RLF: variants seen among roughly 807,000 people sequenced by gnomAD.
RLF encodes the protein RLF zinc finger.
A neutral mutation model predicts 162.9 loss-of-function variants in RLF; 7 were observed. The ratio of observed to expected loss-of-function variants is 0.04; its 90% confidence interval spans 0.02 to 0.08. RLF has a LOEUF of 0.08. RLF is among the 10% of genes least tolerant of loss of function. The probability of loss-of-function intolerance (pLI) is 1.00; values close to 1 mark genes in which losing one functional copy is unlikely to be tolerated. For missense variants in RLF, 1,664 were observed against 2,244.7 expected, an observed-to-expected ratio of 0.74 and a Z score of 5.23; for synonymous variants, 782 against 791.5, an observed-to-expected ratio of 0.99 and a Z score of 0.20.
At chr1:40,180,940 CAT>C (rs2124530603) in intron 1 of RLF, among the ~76,000 whole-genome samples, 1 of 152,282 alleles carries the variant, frequency 6.6e-6, no homozygotes, top group Non-Finnish European at 1.5e-5. Context: ...CTTTTGGTAT[CAT>C]AGTCAAAAAA....
chr1:40,212,422 C>G (rs1642875871), intron 5 of RLF, among the ~76,000 whole-genome samples: 1 of 152,166 alleles, frequency 6.6e-6, no homozygotes, highest in Non-Finnish European at 1.5e-5. Flanking sequence ...TTGCTATTAA[C>G]TTTACATATT....
intron 1 of RLF, among the ~76,000 whole-genome samples, chr1:40,168,269 GAC>G (rs1337959349): frequency 6.6e-6 from 1 of 152,120 alleles, no homozygotes; most frequent in Non-Finnish European, 1.5e-5. Flanking sequence ...TTGTTTTTGA[GAC>G]AGAGTCTTTC....
chr1:40,186,974 TACTG>T (rs907052250), intron 1 of RLF, among the ~76,000 whole-genome samples: 2 of 152,132 alleles, frequency 1.3e-5, no homozygotes, highest in East Asian at 1.9e-4. Flanking sequence ...GTAAGTAACT[TACTG>T]ACCTAAACCA....
At chr1:40,169,937 A>T (rs1642219732) in intron 1 of RLF, among the ~76,000 whole-genome samples, 1 of 151,846 alleles carries the variant, frequency 6.6e-6, no homozygotes, top group African/African-American at 2.4e-5. Context: ...TGATCCACCC[A>T]CCTCACCCTC....
At chr1:40,212,274 A>C (rs1642874467) in intron 5 of RLF, among the ~76,000 whole-genome samples, 2 of 152,186 alleles carry the variant, frequency 1.3e-5, no homozygotes, top group Non-Finnish European at 2.9e-5. Context: ...GGTCATCTGA[A>C]AGTCAAAATT....
chr1:40,172,118 G>A (rs1162447377), intron 1 of RLF, among the ~76,000 whole-genome samples: 1 of 152,078 alleles, frequency 6.6e-6, no homozygotes, highest in Non-Finnish European at 1.5e-5. Context: ...AATTCTACAG[G>A]TAGCAACACC....
At position 40,239,223 on chromosome 1, in the gene RLF, C is replaced by G. The variant is rs755675480; in HGVS notation, c.4521C>G (p.Thr1507=). 3.3e-5 allele frequency: 53 copies of G among 1,614,004 alleles called. No individual in the cohort carries two copies. Among genetic ancestry groups the G allele is most frequent in the Non-Finnish European group, 4.2e-5 (50 of 1,180,022 alleles). The part of the protein sequence containing the change: ...ADTQGHEHQT[T]RRSFNAKSKK... ...CTCAGGGGCATGAACATCAGACCACCAGGAGATCATTTAATGCTAAGTCTA... is the reference window on the plus strand; with the variant it reads ...CTCAGGGGCATGAACATCAGACCACGAGGAGATCATTTAATGCTAAGTCTA... Residue 1507 remains threonine, a synonymous_variant, in exon 8 of 8, where the codon ACC becomes ACG. Coordinates refer to ENST00000372771, the MANE Select transcript of RLF (RefSeq NM_012421.4).
At position 40,237,195 on chromosome 1, in the gene RLF, TGGAGACATA is replaced by T. The variant is rs1212520307; in HGVS notation, c.2494_2502del (p.Gly832_Ile834del). ...CAATGCATAATGTTGAAAATTCAAA[TGGAGACATA>T]AAGAAATCAGTGAAACTTGAGGAGT... On this transcript the variant is annotated inframe_deletion, in exon 8 of 8. Transcript: ENST00000372771. The surrounding 1 kb of genome is among the most constrained non-coding windows in gnomAD (Gnocchi z 4.4). 2.5e-6 allele frequency: 4 copies of T among 1,613,834 alleles called. No homozygotes were observed. The highest frequency in any genetic ancestry group is 3.4e-6 in the Non-Finnish European group (4 of 1,179,956).
intron 1 of RLF, among the ~76,000 whole-genome samples, chr1:40,188,618 G>GAA (rs11406786): frequency 1.1e-3 from 155 of 145,824 alleles, no homozygotes; most frequent in South Asian, 2.2e-3. Flanking sequence ...CATGTGTCCA[G>GAA]AAAAAAAAAA....
Position 40,239,782 on chromosome 1 carries a change from CCTT to C in RLF, c.5081_5083del (p.Pro1694_Cys1695delinsArg). 6.2e-7 allele frequency: 1 copy of C among 1,614,184 alleles called. No homozygotes were observed. The highest frequency in any genetic ancestry group is 8.5e-7 in the Non-Finnish European group (1 of 1,180,034). ...GTGTAATATAGTTCAGCCTCCTCCTCCTTGTAAAATAGAAAATTCCATACCTAA... is the reference window on the plus strand; with the variant it reads ...GTGTAATATAGTTCAGCCTCCTCCTCGTAAAATAGAAAATTCCATACCTAA... On this transcript the variant is annotated inframe_deletion, in exon 8 of 8. Coordinates refer to ENST00000372771, the MANE Select transcript of RLF (RefSeq NM_012421.4).
chr1:40,188,302 T>C lies in RLF; in HGVS notation c.238-753T>C, dbSNP rs373326745. 8.5e-5 allele frequency among the ~76,000 whole-genome samples: 13 copies of C among 152,282 alleles called. 1 individual carries two copies. Among genetic ancestry groups the C allele is most frequent in the East Asian group, 3.9e-4 (2 of 5,188 alleles). On this transcript the variant is annotated intron_variant, in intron 1 of 7. Coordinates refer to ENST00000372771, the MANE Select transcript of RLF (RefSeq NM_012421.4). ...GACAAATTTTTAGTGATAGGACACA[T>C]ATAATTTATCAGGCTTTATTGTGGT...
At chr1:40,197,470 G>A (rs1642653249) in intron 4 of RLF, among the ~76,000 whole-genome samples, 1 of 152,174 alleles carries the variant, frequency 6.6e-6, no homozygotes, top group South Asian at 2.1e-4. Flanking sequence ...TTTTGTGCAG[G>A]CAGGCCCAAG....
intron 1 of RLF, among the ~76,000 whole-genome samples, chr1:40,170,248 T>C (rs1642224254): frequency 6.6e-6 from 1 of 152,092 alleles, no homozygotes; most frequent in South Asian, 2.1e-4. Flanking sequence ...TTCTGAGCTT[T>C]TTTTTGTTTT....
chr1:40,223,704 GTGTAC>G (rs941412443), intron 6 of RLF, among the ~76,000 whole-genome samples: 26 of 152,244 alleles, frequency 1.7e-4, no homozygotes, highest in African/African-American at 6.0e-4. Context: ...TAGAAATTTT[GTGTAC>G]TGTAATCTCA....
chr1:40,220,970 T>TAAA (rs750563466), intron 5 of RLF, among the ~76,000 whole-genome samples: 2 of 101,824 alleles, frequency 2.0e-5, no homozygotes, highest in Non-Finnish European at 4.2e-5. Context: ...CTACAAAAAT[T>TAAA]AAAAAAAAAA....
In RLF at chr1:40,214,918, C is replaced by CAAAAAAAAAA. The variant is rs34756935; in HGVS notation, c.811-7638_811-7629dup. Among the ~76,000 whole-genome samples the CAAAAAAAAAA allele has an allele frequency of 9.0e-4, 13 of 14,398 alleles. 2 individuals carry two copies. Among genetic ancestry groups the CAAAAAAAAAA allele is most frequent in the East Asian group, 5.5e-3 (2 of 364 alleles). The allele number at this position is 14,398 out of a possible 152,430, so 9.4% of individuals were successfully genotyped here. On this transcript the variant is annotated intron_variant, in intron 5 of 7. Transcript: ENST00000372771. ...CACCTGGACAAGAGTGAGCCTGTCT[C>CAAAAAAAAAA]AAAAAAAAAAAAAAAAAAAAAAAAA... is the stretch of plus-strand genomic sequence containing the variant.
At chr1:40,208,179 C>T (rs1642821367) in intron 5 of RLF, among the ~76,000 whole-genome samples, 1 of 152,112 alleles carries the variant, frequency 6.6e-6, no homozygotes, top group South Asian at 2.1e-4. Context: ...TAGATAGAGA[C>T]AGAATGCTAG....
chr1:40,218,023 G>A (rs1321139477), intron 5 of RLF, among the ~76,000 whole-genome samples: 1 of 152,070 alleles, frequency 6.6e-6, no homozygotes, highest in Non-Finnish European at 1.5e-5. Context: ...TGTTTTCTAG[G>A]TTTTCTATCG....
At chr1:40,224,271 G>GA (rs149531930) in intron 6 of RLF, among the ~76,000 whole-genome samples, 7,787 of 150,950 alleles carry the variant, frequency 0.052, 594 homozygotes, top group African/African-American at 0.17. Flanking sequence ...TTGTTAAAAG[G>GA]AGCTTCTTTC....
Sources: gnomAD v4.1 joint callset for allele counts (sites outside exome capture counted in the v4.1 genomes callset) on GRCh38, gnomAD v4.1.1 for gene constraint, Gnocchi (gnomAD v3.1) non-coding constraint, MANE v1.5 for transcripts, NCBI Gene and HGNC (gene_info 2026-07-23, HGNC 2026-07-21) for gene names.